NXPH2: variants seen among roughly 807,000 people sequenced by gnomAD.
NXPH2 encodes the protein neurexophilin-2.
In NXPH2, 5 loss-of-function variants were observed where a neutral mutation model predicts 19.8. The observed-to-expected ratio is 0.25, with a 90% confidence interval of 0.13 to 0.53. NXPH2 has a LOEUF of 0.53. Ranked by LOEUF, NXPH2 falls within the 20% of genes least tolerant of loss-of-function variation. NXPH2 has a pLI of 0.96. For synonymous variants in NXPH2, 154 were observed against 127.4 expected, an observed-to-expected ratio of 1.21 and a Z score of -1.41; for missense variants, 289 against 322.8, an observed-to-expected ratio of 0.90 and a Z score of 0.80.
intron 1 of NXPH2, among the ~76,000 whole-genome samples, chr2:138,762,798 A>C (rs1390241821): frequency 1.3e-5 from 2 of 152,222 alleles, no homozygotes; most frequent in Non-Finnish European, 2.9e-5. Flanking sequence ...CTTCAACTGA[A>C]AGTAGATCTG....
rs113194513 is a variant in NXPH2 at position 138,681,651 on chromosome 2, C to T, written c.52-9986G>A. Among the ~76,000 whole-genome samples the T allele has an allele frequency of 3.8e-3, 571 of 152,186 alleles. 1 individual carries two copies. The highest frequency in any genetic ancestry group is 0.013 in the African/African-American group (536 of 41,514). ...CCAAATGTGTGGATTTGCAGCAAGC[C>T]GGGAGAGAAAGTTGGCTTTTCCTTG... is the stretch of plus-strand genomic sequence containing the variant. On this transcript the variant is annotated intron_variant, in intron 1 of 1. Coordinates refer to ENST00000272641, the MANE Select transcript of NXPH2 (RefSeq NM_007226.3).
intron 1 of NXPH2, among the ~76,000 whole-genome samples, chr2:138,671,866 A>G (rs769760957): frequency 1.1e-4 from 16 of 152,220 alleles, no homozygotes; most frequent in Non-Finnish European, 1.6e-4. Flanking sequence ...TATGAAAATT[A>G]AAAATGGTGA....
intron 1 of NXPH2, among the ~76,000 whole-genome samples, chr2:138,717,843 G>A (rs1165807853): frequency 6.6e-6 from 1 of 152,060 alleles, no homozygotes; most frequent in Non-Finnish European, 1.5e-5. Flanking sequence ...AGATTAGGAA[G>A]GCAATTGTAC....
chr2:138,777,831 T>TAAAAAAAAAA (rs11299940), intron 1 of NXPH2, among the ~76,000 whole-genome samples: 17 of 92,950 alleles, frequency 1.8e-4, no homozygotes, highest in South Asian at 4.3e-4. Flanking sequence ...ACCAAAAAAT[T>TAAAAAAAAAA]AAAAAAAAAA....
At chr2:138,735,489 A>C (rs1681525622) in intron 1 of NXPH2, among the ~76,000 whole-genome samples, 3 of 152,112 alleles carry the variant, frequency 2.0e-5, no homozygotes, top group Admixed American at 2.0e-4. Context: ...TCACTATCAC[A>C]AGAACAGTAT....
At chr2:138,715,440 A>G (rs1332432399) in intron 1 of NXPH2, among the ~76,000 whole-genome samples, 1 of 152,238 alleles carries the variant, frequency 6.6e-6, no homozygotes, top group East Asian at 1.9e-4. Context: ...TTTTAAATAA[A>G]TGTATTGAAT....
chr2:138,688,479 G>A (rs1175533794), intron 1 of NXPH2, among the ~76,000 whole-genome samples: 2 of 152,162 alleles, frequency 1.3e-5, no homozygotes, highest in Non-Finnish European at 2.9e-5. Flanking sequence ...ACCATGCTCG[G>A]ATGAGGCATC....
In NXPH2 at chr2:138,671,202, G is replaced by T; in HGVS notation, c.515C>A (p.Ser172Tyr). ...PPSKVVEFEVSPQSTLETKES... is the reference protein window; with the variant it reads ...PPSKVVEFEVYPQSTLETKES... Reference sequence around the variant, plus strand: ...CTTGGTCTCCAAGGTAGACTGGGGGGAAACTTCAAATTCCACCACCTTGGA... The same window carrying T: ...CTTGGTCTCCAAGGTAGACTGGGGGTAAACTTCAAATTCCACCACCTTGGA... Residue 172 changes from serine to tyrosine, a missense_variant, in exon 2 of 2, where the codon TCC (serine) becomes TAC (tyrosine). By Grantham distance (144) the Ser-to-Tyr change is moderately radical. Transcript: ENST00000272641. 1 of 1,613,804 alleles carries T rather than the reference G, an allele frequency of 6.2e-7. No homozygotes were observed. Among genetic ancestry groups the T allele is most frequent in the Non-Finnish European group, 8.5e-7 (1 of 1,179,812 alleles).
At chr2:138,724,525 C>A (rs1306978928) in intron 1 of NXPH2, among the ~76,000 whole-genome samples, 2 of 152,214 alleles carry the variant, frequency 1.3e-5, no homozygotes, top group African/African-American at 2.4e-5. Context: ...CAGAGCTCAA[C>A]AGGTCATTGT....
intron 1 of NXPH2, among the ~76,000 whole-genome samples, chr2:138,745,497 G>GGA (rs1681712681): frequency 1.0e-5 from 1 of 98,440 alleles, no homozygotes; most frequent in Admixed American, 9.9e-5. Flanking sequence ...TTTTGGCGGG[G>GGA]GGGGGGGGGT....
At chr2:138,771,333 T>C (rs1326575566) in intron 1 of NXPH2, among the ~76,000 whole-genome samples, 9 of 152,164 alleles carry the variant, frequency 5.9e-5, no homozygotes, top group Admixed American at 5.2e-4. Context: ...CTGTGCATGA[T>C]ATAATTATTA....
At chr2:138,738,073 C>A (rs4954719) in intron 1 of NXPH2, among the ~76,000 whole-genome samples, 1 of 140,494 alleles carries the variant, frequency 7.1e-6, no homozygotes. Context: ...CCCCTCCCCC[C>A]ACCCCACAAC....
intron 1 of NXPH2, among the ~76,000 whole-genome samples, chr2:138,746,621 T>C (rs1366099294): frequency 1.3e-5 from 2 of 152,186 alleles, no homozygotes; most frequent in African/African-American, 4.8e-5. Flanking sequence ...TAATATTTCT[T>C]GTAAATGAAA....
At chr2:138,749,888 T>A (rs1234013897) in intron 1 of NXPH2, among the ~76,000 whole-genome samples, 1 of 152,166 alleles carries the variant, frequency 6.6e-6, no homozygotes, top group Non-Finnish European at 1.5e-5. Flanking sequence ...ACAGAGTGTG[T>A]CGCTTATTTA....
intron 1 of NXPH2, among the ~76,000 whole-genome samples, chr2:138,706,146 T>C (rs1442893935): frequency 1.3e-5 from 2 of 152,236 alleles, no homozygotes; most frequent in African/African-American, 4.8e-5. Flanking sequence ...CTATGTCTAT[T>C]AATAAAAAGA....
chr2:138,748,343 T>C (rs1178782308), intron 1 of NXPH2, among the ~76,000 whole-genome samples: 1 of 152,196 alleles, frequency 6.6e-6, no homozygotes, highest in African/African-American at 2.4e-5. Context: ...CATTAGGTGT[T>C]AACTCGATAT....
chr2:138,681,646 C>T (rs562353838), intron 1 of NXPH2, among the ~76,000 whole-genome samples: 199 of 152,290 alleles, frequency 1.3e-3, no homozygotes, highest in African/African-American at 4.2e-3. Context: ...GGATTTGCAG[C>T]AAGCCGGGAG....
chr2:138,750,739 T>C (rs1174372662), intron 1 of NXPH2, among the ~76,000 whole-genome samples: 1 of 152,074 alleles, frequency 6.6e-6, no homozygotes, highest in East Asian at 1.9e-4. Flanking sequence ...TAAAAAGAGA[T>C]GTATACACAG....
At chr2:138,746,843 T>G (rs944590267) in intron 1 of NXPH2, among the ~76,000 whole-genome samples, 1 of 152,144 alleles carries the variant, frequency 6.6e-6, no homozygotes, top group Non-Finnish European at 1.5e-5. Flanking sequence ...CATTTTCTTT[T>G]TCTCAAAGAA....
Sources: gnomAD v4.1 joint callset for allele counts (sites outside exome capture counted in the v4.1 genomes callset) on GRCh38, gnomAD v4.1.1 for gene constraint, MANE v1.5 for transcripts, NCBI Gene and HGNC (gene_info 2026-07-23, HGNC 2026-07-21) for gene names.